CHN2: variants seen among roughly 807,000 people sequenced by gnomAD.
CHN2 encodes the protein beta-chimaerin.
Under a neutral mutation model 56.3 loss-of-function variants are expected in CHN2, and 35 were observed. The ratio of observed to expected loss-of-function variants is 0.62; its 90% CI spans 0.47 to 0.82. The LOEUF is 0.82. CHN2 is among the 40% of genes least tolerant of loss of function. CHN2 has a pLI of 0.00. For missense variants in CHN2, 491 were observed against 580.5 expected (o/e 0.85, Z 1.58); for synonymous variants, 210 against 212.8 (o/e 0.99, Z 0.12).
At chr7:29,335,155 G>A (rs2128907937) in intron 1 of CHN2, among the ~76,000 whole-genome samples, 1 of 152,296 alleles carries the variant, frequency 6.6e-6, no homozygotes, top group Non-Finnish European at 1.5e-5. Context: ...ATCTATTTAG[G>A]GTAGTGGTGC....
At chr7:29,242,824 A>G (rs947823684) in intron 1 of CHN2, among the ~76,000 whole-genome samples, 6 of 147,286 alleles carry the variant, frequency 4.1e-5, no homozygotes, top group East Asian at 3.9e-4. Flanking sequence ...TGACATTTCT[A>G]TGAGGAAAGT....
chr7:29,313,172 C>T (rs1794714376), intron 1 of CHN2, among the ~76,000 whole-genome samples: 2 of 152,192 alleles, frequency 1.3e-5, no homozygotes, highest in Admixed American at 6.5e-5. Context: ...TGAACCAGCT[C>T]ACAAGTCACC....
chr7:29,426,206 C>CAAAAAAAAAAAAAA (rs10630481), intron 6 of CHN2, among the ~76,000 whole-genome samples: 2 of 83,900 alleles, frequency 2.4e-5, no homozygotes. Context: ...GACTCTGTCT[C>CAAAAAAAAAAAAAA]AAAAAAAAAA....
At chr7:29,335,528 A>G (rs1796546751) in intron 1 of CHN2, among the ~76,000 whole-genome samples, 1 of 152,192 alleles carries the variant, frequency 6.6e-6, no homozygotes, top group African/African-American at 2.4e-5. Flanking sequence ...AAATCTAGTC[A>G]TTTCTGGCTG....
intron 1 of CHN2, among the ~76,000 whole-genome samples, chr7:29,341,279 G>C (rs528903927): frequency 1.2e-4 from 19 of 152,306 alleles, no homozygotes; most frequent in Admixed American, 9.2e-4. Flanking sequence ...AGTGGGCTCT[G>C]ATTTCAGCCT....
intron 1 of CHN2, among the ~76,000 whole-genome samples, chr7:29,264,295 A>ACC (rs1789924670): frequency 1.3e-5 from 2 of 151,634 alleles, no homozygotes; most frequent in South Asian, 2.1e-4. Context: ...GCCCGGCCGT[A>ACC]ACCCCGTCTG....
chr7:29,393,810 T>G (rs760396626), intron 4 of CHN2, 100 bp downstream of exon 4: 3 of 405,726 alleles, frequency 7.4e-6, no homozygotes, highest in Non-Finnish European at 1.2e-5. Context: ...CATCATCATA[T>G]GTCTATTGTG....
chr7:29,387,234 C>T (rs925459453), intron 3 of CHN2, among the ~76,000 whole-genome samples: 1 of 151,972 alleles, frequency 6.6e-6, no homozygotes, highest in African/African-American at 2.4e-5. Context: ...ATGTGGGTAT[C>T]TCATCTAATC....
At chr7:29,275,976 G>C (rs1237051725) in intron 1 of CHN2, among the ~76,000 whole-genome samples, 2 of 151,938 alleles carry the variant, frequency 1.3e-5, no homozygotes, top group Admixed American at 1.3e-4. Context: ...TTGGGTGATA[G>C]GTTCACTAGA....
chr7:29,384,771 G>T (rs546048243), intron 3 of CHN2, among the ~76,000 whole-genome samples: 2 of 152,258 alleles, frequency 1.3e-5, no homozygotes, highest in East Asian at 3.9e-4. Context: ...ACTTCTCTGA[G>T]CCCCGTACTG....
rs778345539 is a variant in CHN2, at chr7:29,512,648, G to C, written c.1320G>C (p.Glu440Asp). 12 of 1,614,076 alleles carry C rather than the reference G, an allele frequency of 7.4e-6. No individual in the cohort carries two copies. The South Asian group carries it at 1.3e-4, about 18-fold the overall frequency. ...VFGPTLMRPPEDSTLTTLHDM... is the reference protein window; with the variant it reads ...VFGPTLMRPPDDSTLTTLHDM... The stretch of plus-strand genomic sequence containing the variant: ...GGCCCACTCTGATGAGGCCCCCTGA[G>C]GACAGCACCCTGACCACCCTGCATG... Residue 440 changes from glutamate to aspartate, a missense_variant, in exon 13 of 13, where the codon GAG becomes GAC. Glu to Asp is a conservative substitution (Grantham distance 45, BLOSUM62 2). Transcript: ENST00000222792.
intron 1 of CHN2, among the ~76,000 whole-genome samples, chr7:29,314,416 C>G (rs39118): frequency 6.6e-6 from 1 of 152,146 alleles, no homozygotes; most frequent in Non-Finnish European, 1.5e-5. Flanking sequence ...TTTAATTGGC[C>G]TTGTTGCAGT....
intron 1 of CHN2, among the ~76,000 whole-genome samples, chr7:29,236,325 C>G (rs1787194261): frequency 6.6e-6 from 1 of 152,206 alleles, no homozygotes; most frequent in Non-Finnish European, 1.5e-5. Flanking sequence ...TACAAGTTCC[C>G]CTATAGAGTA....
intron 1 of CHN2, among the ~76,000 whole-genome samples, chr7:29,347,033 C>A (rs1056468295): frequency 2.6e-5 from 4 of 152,110 alleles, no homozygotes; most frequent in Non-Finnish European, 5.9e-5. Flanking sequence ...CTTCCAGGAG[C>A]GTTCTGTGTC....
chr7:29,469,708 C>T (rs1475474995), intron 6 of CHN2, among the ~76,000 whole-genome samples: 1 of 152,160 alleles, frequency 6.6e-6, no homozygotes, highest in Non-Finnish European at 1.5e-5. Context: ...AAGTTGTAAC[C>T]TCCCTCTCAC....
chr7:29,206,539 C>G (rs1784534912), intron 1 of CHN2, among the ~76,000 whole-genome samples: 3 of 152,168 alleles, frequency 2.0e-5, no homozygotes, highest in Admixed American at 6.5e-5. Context: ...ATCGGCCTCC[C>G]AGAGTGCTGG....
rs142583319 is a variant in CHN2, at chr7:29,298,036, C to T, written c.50-56589C>T. On this transcript the variant is annotated intron_variant, in intron 1 of 12. Transcript: ENST00000222792. ...AGGAAGAGCATCTTCCTTGCATCCC[C>T]GAGGCCTTGGTGACTTCGGCAGGCA... Among the ~76,000 whole-genome samples the T allele has an allele frequency of 1.4e-4, 21 of 152,224 alleles. 1 individual carries two copies. In the East Asian group the frequency reaches 4.1e-3, roughly 29 times the overall value.
At chr7:29,297,394 C>T (rs1043018551) in intron 1 of CHN2, among the ~76,000 whole-genome samples, 2 of 151,238 alleles carry the variant, frequency 1.3e-5, no homozygotes, top group African/African-American at 2.4e-5. Context: ...TAGCCTCCTG[C>T]TGACAGGGGG....
intron 2 of CHN2, among the ~76,000 whole-genome samples, chr7:29,158,841 T>C (rs1794787856): frequency 6.6e-6 from 1 of 152,220 alleles, no homozygotes; most frequent in Non-Finnish European, 1.5e-5. Flanking sequence ...GAGAGATACT[T>C]CTGACATTCC....
Sources: allele counts gnomAD v4.1 joint callset (sites outside exome capture counted in the v4.1 genomes callset), GRCh38; gene constraint gnomAD v4.1.1; transcripts MANE v1.5; gene names NCBI Gene and HGNC (gene_info 2026-07-23, HGNC 2026-07-21).